The following PCDHGA7 variants were observed in gnomAD, a reference collection of about 807,000 sequenced individuals.
PCDHGA7 encodes protocadherin gamma subfamily A, 7.
PCDHGA7 carries 44 observed loss-of-function variants against 58.3 expected under a neutral mutation model. That is an observed-to-expected ratio of 0.75 (90% CI 0.59 to 0.97). The LOEUF (loss-of-function observed/expected upper bound fraction) is 0.97. Among genes scored for constraint, PCDHGA7 ranks in the 50% least tolerant of loss-of-function variants. The pLI is 0.00. For missense variants in PCDHGA7, 1,266 were observed against 1,188.7 expected (o/e 1.06, Z -0.96); for synonymous variants, 516 against 504.2 (o/e 1.02, Z -0.31).
At chr5:141,488,020 T>C (rs985558790) in intron 1 of PCDHGA7, among the ~76,000 whole-genome samples, 3 of 152,174 alleles carry the variant, frequency 2.0e-5, no homozygotes, top group African/African-American at 7.2e-5. Context: ...GTACCTTAAC[T>C]CTAGGTTACC....
In PCDHGA7 at chr5:141,490,658, T is replaced by A. The variant is rs776806248; in HGVS notation, c.2425-4149T>A. The A allele has an allele frequency of 8.1e-6, 13 of 1,614,204 alleles. No homozygotes were observed. The South Asian group carries it at 1.4e-4, about 18-fold the overall frequency. ...GAAAACCGGCCTCCGGGCTCCCTTC[T>A]TTGCACTGTGGCTGCCTCAGATCCA... On this transcript the variant is annotated intron_variant, in intron 1 of 3. Transcript: ENST00000518325. The surrounding 1 kb of genome is among the most constrained non-coding windows in gnomAD (Gnocchi z 5.4).
In PCDHGA7 at chr5:141,486,885, G is replaced by C. The variant is rs139638334; in HGVS notation, c.2425-7922G>C. 1.2e-6 allele frequency: 2 copies of C among 1,614,076 alleles called. No individual in the cohort carries two copies. Among genetic ancestry groups the C allele is most frequent in the East Asian group, 4.5e-5 (2 of 44,892 alleles). On this transcript the variant is annotated intron_variant, in intron 1 of 3. Coordinates refer to ENST00000518325, the MANE Select transcript of PCDHGA7 (RefSeq NM_018920.4). This position sits in a 1 kb window ranked among gnomAD's most constrained non-coding sequence, Gnocchi z 5.0. ...CCAGCTGTGCTCCGTCCTCGGGCCC[G>C]GCCTGGTTCCTTATGTCCCCAAGCA...
At chr5:141,413,513 T>C (rs1369472337) in intron 1 of PCDHGA7, 34 of 1,613,974 alleles carry the variant, frequency 2.1e-5, no homozygotes, top group Non-Finnish European at 2.9e-5. Context: ...TTTAATATCC[T>C]TGTGGAAGAC....
chr5:141,453,796 T>C (rs1592274016), intron 1 of PCDHGA7, among the ~76,000 whole-genome samples: 1 of 152,242 alleles, frequency 6.6e-6, no homozygotes, highest in East Asian at 1.9e-4. Context: ...ATATTAACTT[T>C]GAGTAGTTCC....
At chr5:141,501,402 G>T (rs527659990) in intron 2 of PCDHGA7, among the ~76,000 whole-genome samples, 1 of 151,622 alleles carries the variant, frequency 6.6e-6, no homozygotes, top group African/African-American at 2.4e-5. Context: ...ACAGGCCACT[G>T]CTTGGAAAAT....
chr5:141,476,142 G>T lies in PCDHGA7; in HGVS notation c.2425-18665G>T. 6.2e-7 allele frequency: 1 copy of T among 1,610,446 alleles called. No individual in the cohort carries two copies. Among genetic ancestry groups the T allele is most frequent in the South Asian group, 1.1e-5 (1 of 90,868 alleles). On this transcript the variant is annotated intron_variant, in intron 1 of 3. Coordinates refer to ENST00000518325, the MANE Select transcript of PCDHGA7 (RefSeq NM_018920.4). The surrounding 1 kb of genome is among the most constrained non-coding windows in gnomAD (Gnocchi z 7.6). Reference sequence around the variant, plus strand: ...ATGGTCCCAGAGGCCTGGAGGAGCGGACTGGTAAGCACCGGGAGGGTAGTG... The same window carrying T: ...ATGGTCCCAGAGGCCTGGAGGAGCGTACTGGTAAGCACCGGGAGGGTAGTG...
chr5:141,421,902 C>A (rs1218675162), intron 1 of PCDHGA7: 1 of 1,613,706 alleles, frequency 6.2e-7, no homozygotes, highest in East Asian at 2.2e-5. Context: ...TCCGAAAGGG[C>A]GCAGTTCCCA....
intron 1 of PCDHGA7, among the ~76,000 whole-genome samples, chr5:141,446,315 G>A (rs556077331): frequency 6.6e-6 from 1 of 152,188 alleles, no homozygotes; most frequent in East Asian, 1.9e-4. Context: ...TGATTCCTGG[G>A]TTTCCACATT....
At chr5:141,397,818 T>TAA (rs748152113) in intron 1 of PCDHGA7, among the ~76,000 whole-genome samples, 1 of 152,226 alleles carries the variant, frequency 6.6e-6, no homozygotes, top group Non-Finnish European at 1.5e-5. Flanking sequence ...CAAAAACAAT[T>TAA]ACTGCACTGG....
chr5:141,417,634 G>A, intron 1 of PCDHGA7: 1 of 721,778 alleles, frequency 1.4e-6, no homozygotes, highest in Non-Finnish European at 2.1e-6. Context: ...GCTGACGCCG[G>A]GGATCCCTCA....
chr5:141,489,290 G>A lies in PCDHGA7; in HGVS notation c.2425-5517G>A. 6.3e-7 allele frequency: 1 copy of A among 1,577,514 alleles called. No individual in the cohort carries two copies. The highest frequency in any genetic ancestry group is 8.6e-7 in the Non-Finnish European group (1 of 1,162,002). ...CTCGCTGGGAAATGGCAAGTGCTGT[G>A]CATGTTGTCCTTGTGCTGCTGGGGC... On this transcript the variant is annotated intron_variant, in intron 1 of 3. Transcript: ENST00000518325. This position sits in a 1 kb window ranked among gnomAD's most constrained non-coding sequence, Gnocchi z 4.5.
At chr5:141,469,191 G>A (rs1431459571) in intron 1 of PCDHGA7, among the ~76,000 whole-genome samples, 1 of 151,882 alleles carries the variant, frequency 6.6e-6, no homozygotes, top group Admixed American at 6.6e-5. Flanking sequence ...CAAGAGGATT[G>A]CTTGAGCCTT....
At position 141,464,471 on chromosome 5, in the gene PCDHGA7, G is replaced by A. The variant is rs142068327; in HGVS notation, c.2425-30336G>A. On this transcript the variant is annotated intron_variant, in intron 1 of 3. Coordinates refer to ENST00000518325, the MANE Select transcript of PCDHGA7 (RefSeq NM_018920.4). ...TTGTTGTTATTTTTGAAGTATGTAC[G>A]TATAATAAATTCCTAATAGTGTGAT... Among the ~76,000 whole-genome samples, 204 of 151,612 alleles carry A rather than the reference G, an allele frequency of 1.3e-3. 1 individual carries two copies. The highest frequency in any genetic ancestry group is 2.3e-3 in the Non-Finnish European group (156 of 67,928).
chr5:141,478,210 A>G, intron 1 of PCDHGA7: 1 of 1,614,064 alleles, frequency 6.2e-7, no homozygotes, highest in East Asian at 2.2e-5. Flanking sequence ...TTCTTTCTCT[A>G]ATCCTGGTTT....
intron 1 of PCDHGA7, among the ~76,000 whole-genome samples, chr5:141,480,730 G>T (rs1261461187): frequency 6.6e-6 from 1 of 152,168 alleles, no homozygotes; most frequent in Non-Finnish European, 1.5e-5. Flanking sequence ...GTCTCTGGGG[G>T]TGGGACATAG....
Position 141,476,024 on chromosome 5 carries a change from C to T in PCDHGA7, c.2425-18783C>T. ...ATCCAGAAAGCCATGTCGGACTCGG[C>T]GCCCAGCGCCCAAGCGCTAACCCGC... On this transcript the variant is annotated intron_variant, in intron 1 of 3. Coordinates refer to ENST00000518325, the MANE Select transcript of PCDHGA7 (RefSeq NM_018920.4). The surrounding 1 kb of genome is among the most constrained non-coding windows in gnomAD (Gnocchi z 7.6). The T allele has an allele frequency of 1.4e-6, 2 of 1,416,548 alleles. No individual in the cohort carries two copies. Among genetic ancestry groups the T allele is most frequent in the Non-Finnish European group, 9.5e-7 (1 of 1,058,066 alleles). 87.7% of individuals were successfully genotyped at this position (1,416,548 alleles called of 1,614,324 possible).
At chr5:141,457,280 A>G (rs964027392) in intron 1 of PCDHGA7, among the ~76,000 whole-genome samples, 2 of 152,196 alleles carry the variant, frequency 1.3e-5, no homozygotes, top group Admixed American at 1.3e-4. Context: ...TGGGCCTACG[A>G]AGTTCCTTGG....
chr5:141,403,667 G>T (rs1386561971), intron 1 of PCDHGA7: 8 of 1,613,910 alleles, frequency 5.0e-6, no homozygotes, highest in Non-Finnish European at 6.8e-6. Flanking sequence ...AAATGATAAT[G>T]CCCCGGTTTT....
At position 141,432,436 on chromosome 5, in the gene PCDHGA7, G is replaced by C; in HGVS notation, c.2424+47113G>C. ...TCGTGCTGGACCAGAACGACAATGC[G>C]CCCGAGATCCTGTACCCCGCCCTCC... On this transcript the variant is annotated intron_variant, in intron 1 of 3. Transcript: ENST00000518325. This position sits in a 1 kb window ranked among gnomAD's most constrained non-coding sequence, Gnocchi z 6.0. 1 of 1,614,196 alleles carries C rather than the reference G, an allele frequency of 6.2e-7. No individual in the cohort carries two copies. Among genetic ancestry groups the C allele is most frequent in the Middle Eastern group, 1.6e-4 (1 of 6,062 alleles).
Sources: allele counts gnomAD v4.1 joint callset (sites outside exome capture counted in the v4.1 genomes callset), GRCh38; gene constraint gnomAD v4.1.1; non-coding constraint Gnocchi (gnomAD v3.1); transcripts MANE v1.5; gene names NCBI Gene and HGNC (gene_info 2026-07-23, HGNC 2026-07-21).